The following PRDM11 variants were observed in gnomAD, a reference collection of about 807,000 sequenced individuals.
The protein encoded by PRDM11 is PR domain-containing protein 11.
PRDM11 carries 20 observed loss-of-function variants against 97.8 expected under a neutral mutation model. The ratio of observed to expected loss-of-function variants is 0.20; its 90% CI spans 0.14 to 0.30. The LOEUF is 0.30. PRDM11 is among the 10% of genes least tolerant of loss of function. The pLI is 1.00. For missense variants in PRDM11, 1,139 were observed against 1,555.2 expected (o/e 0.73, Z 4.50); for synonymous variants, 599 against 637.7 (o/e 0.94, Z 0.91).
intron 1 of PRDM11, among the ~76,000 whole-genome samples, chr11:45,119,637 A>G (rs1315201801): frequency 6.9e-6 from 1 of 144,486 alleles, no homozygotes; most frequent in African/African-American, 2.5e-5. Flanking sequence ...AAAAAAAAAA[A>G]AAAAAAAAAA....
intron 5 of PRDM11, among the ~76,000 whole-genome samples, chr11:45,212,202 G>T (rs1389282728): frequency 6.6e-6 from 1 of 152,142 alleles, no homozygotes; most frequent in Non-Finnish European, 1.5e-5. Flanking sequence ...GTGGGCCACG[G>T]TCTCCAAGTC....
intron 1 of PRDM11, among the ~76,000 whole-genome samples, chr11:45,112,990 A>G (rs966719880): frequency 6.6e-6 from 1 of 151,840 alleles, no homozygotes; most frequent in Non-Finnish European, 1.5e-5. Flanking sequence ...TTTTTGTTGC[A>G]TTTGTTTTGG....
intron 1 of PRDM11, among the ~76,000 whole-genome samples, chr11:45,127,193 C>A (rs1353265657): frequency 6.6e-6 from 1 of 152,220 alleles, no homozygotes; most frequent in Non-Finnish European, 1.5e-5. Context: ...TCCATCAGCT[C>A]CTTTAAGCAC....
chr11:45,133,939 A>G (rs73464565), intron 1 of PRDM11, among the ~76,000 whole-genome samples: 5,985 of 152,252 alleles, frequency 0.039, 414 homozygotes, highest in African/African-American at 0.14. Context: ...CCAAATGCCA[A>G]TCTGCTTCCT....
At chr11:45,213,670 T>G in intron 5 of PRDM11, 2 of 456,434 alleles carry the variant, frequency 4.4e-6, no homozygotes, top group Non-Finnish European at 8.8e-6. Context: ...ATGCTTTTCC[T>G]CGCCCTTGCA....
rs1852565784 is a variant in PRDM11, at chr11:45,182,938, G to A, written c.301G>A (p.Val101Met). 3 of 1,613,646 alleles carry A rather than the reference G, an allele frequency of 1.9e-6. No homozygotes were observed. In the Admixed American group the frequency reaches 5.0e-5, roughly 27 times the overall value. The change falls in exon 4 of 8, where the codon GTG becomes ATG. Residue 101 changes from valine (V) to methionine (M), a missense_variant. Transcript: ENST00000683152. ...GPPVFVSDTPVPVGIPDRAAL... is the reference protein window; with the variant it reads ...GPPVFVSDTPMPVGIPDRAAL... ...CCCGGTGTTTGTGTCTGACACACCG[G>A]TGCCCGTGGGCATCCCAGACCGGGC...
upstream of PRDM11, among the ~76,000 whole-genome samples, chr11:45,095,427 G>T (rs573460842): frequency 8.9e-4 from 135 of 152,338 alleles, no homozygotes; most frequent in African/African-American, 3.0e-3. Flanking sequence ...GACAGGAGAT[G>T]GGAAAGGGCA....
At chr11:45,098,872 A>G (rs988089779) in intron 1 of PRDM11, among the ~76,000 whole-genome samples, 5 of 152,302 alleles carry the variant, frequency 3.3e-5, no homozygotes, top group Admixed American at 2.6e-4. Flanking sequence ...AAGACCCCCA[A>G]GGGTGGGCTC....
At chr11:45,127,900 G>A (rs975711888) in intron 1 of PRDM11, among the ~76,000 whole-genome samples, 3 of 152,262 alleles carry the variant, frequency 2.0e-5, no homozygotes, top group Admixed American at 6.5e-5. Flanking sequence ...GGACGTTTAA[G>A]TCTGTAGAGG....
chr11:45,177,772 T>C (rs1852364156), intron 1 of PRDM11, among the ~76,000 whole-genome samples: 1 of 152,234 alleles, frequency 6.6e-6, no homozygotes, highest in Non-Finnish European at 1.5e-5. Flanking sequence ...TTTCCCTTTA[T>C]GCTTTGGCTG....
intron 1 of PRDM11, among the ~76,000 whole-genome samples, chr11:45,136,625 C>A (rs1437878933): frequency 6.6e-6 from 1 of 152,180 alleles, no homozygotes; most frequent in African/African-American, 2.4e-5. Context: ...AACCAGGTCC[C>A]TTAGAAGGCC....
chr11:45,213,403 T>G (rs778381032), intron 5 of PRDM11: 6 of 445,020 alleles, frequency 1.3e-5, no homozygotes, highest in Non-Finnish European at 9.1e-6. Context: ...TTGGGGCTGC[T>G]GCATCGGCCT....
chr11:45,095,241 C>A (rs558114416), upstream of PRDM11, among the ~76,000 whole-genome samples: 4 of 152,182 alleles, frequency 2.6e-5, no homozygotes, highest in African/African-American at 9.7e-5. Flanking sequence ...CCTTCTAAGC[C>A]GTGGGGACAG....
Position 45,127,643 on chromosome 11 carries a change from G to C in PRDM11, c.96+31742G>C, listed in dbSNP as rs550348636. ...CTGGGTATCAGCAGCGGTGGCTGCA[G>C]AACAGCGGTGGCTGTAGAACAGCGG... On this transcript the variant is annotated intron_variant, in intron 1 of 6. Transcript: ENST00000530656. Among the ~76,000 whole-genome samples, 3 of 152,324 alleles carry C rather than the reference G, an allele frequency of 2.0e-5. No individual in the cohort carries two copies. The East Asian group carries it at 5.8e-4, about 29-fold the overall frequency.
rs1242289092 is a variant in PRDM11, at chr11:45,226,582, C to T, written c.1957C>T (p.Arg653Cys). Residue 653 changes from arginine to cysteine, a missense_variant, in exon 8 of 8, where the codon CGC (arginine) becomes TGC (cysteine). Physicochemically the swap from Arg to Cys is radical, Grantham distance 180. Transcript: ENST00000683152. ...ALREDLVERI[R>C]QSPCLSVILD... ...GCGGGAAGACCTGGTGGAGCGCATC[C>T]GCCAGTCACCTTGCCTCAGCGTCAT... 24 of 1,533,816 alleles carry T rather than the reference C, an allele frequency of 1.6e-5. No homozygotes were observed. The highest frequency in any genetic ancestry group is 4.1e-5 in the African/African-American group (3 of 72,958).
In PRDM11 at chr11:45,224,531, G is replaced by A. The variant is rs1425458155; in HGVS notation, c.1057G>A (p.Val353Met). 2 of 1,614,166 alleles carry A rather than the reference G, an allele frequency of 1.2e-6. No homozygotes were observed. The highest frequency in any genetic ancestry group is 1.7e-5 in the Admixed American group (1 of 60,028). ...SQCATTMTHG[V>M]QNIGQTQGEG... ...GTGTGCAACAACAATGACCCATGGT[G>A]TGCAGAATATAGGCCAGACCCAGGG... Residue 353 changes from valine (V) to methionine (M), a missense_variant, in exon 7 of 8, where the codon GTG (valine) becomes ATG (methionine). By Grantham distance (21) the Val-to-Met change is conservative. This residue lies in a region of PRDM11 where 429 missense variants were observed against 510.3 expected (regional missense o/e 0.84). Coordinates refer to ENST00000683152, the MANE Select transcript of PRDM11 (RefSeq NM_001384648.1).
In PRDM11 at chr11:45,234,194, C is replaced by T. The variant is rs894526934; in HGVS notation, c.*6035C>T. The T allele has an allele frequency of 6.6e-6, 1 of 152,278 alleles. No homozygotes were observed. The highest frequency in any genetic ancestry group is 1.9e-4 in the East Asian group (1 of 5,184). 9.4% of individuals were successfully genotyped at this position (152,278 alleles called of 1,614,324 possible). ...GACGGGACCCAGAAGCCCATTTGCT[C>T]GCAGTTTCCTCTCTCTGTTTTTTTC... is the stretch of plus-strand genomic sequence containing the variant. On this transcript the variant is annotated 3_prime_UTR_variant, in exon 8 of 8. Transcript: ENST00000683152.
intron 1 of PRDM11, among the ~76,000 whole-genome samples, chr11:45,112,456 T>C (rs1411335842): frequency 6.6e-6 from 1 of 152,256 alleles, no homozygotes; most frequent in Non-Finnish European, 1.5e-5. Flanking sequence ...AGACACCCAG[T>C]AGTGGGATTG....
chr11:45,178,391 C>CA (rs1434911321), intron 1 of PRDM11, among the ~76,000 whole-genome samples: 1 of 152,178 alleles, frequency 6.6e-6, no homozygotes, highest in Non-Finnish European at 1.5e-5. Context: ...GAATCCGGCT[C>CA]TGAGTCTCAT....
Sources: gnomAD v4.1 joint callset for allele counts (sites outside exome capture counted in the v4.1 genomes callset) on GRCh38, gnomAD v4.1.1 for gene constraint, gnomAD v4.1.1 regional missense constraint, MANE v1.5 for transcripts, NCBI Gene and HGNC (gene_info 2026-07-23, HGNC 2026-07-21) for gene names.